The following SLC24A2 variants were observed in gnomAD, a reference collection of about 807,000 sequenced individuals.
The protein encoded by SLC24A2 is sodium/potassium/calcium exchanger 2.
SLC24A2 carries 36 observed loss-of-function variants against 62.0 expected under a neutral mutation model. That is an observed-to-expected ratio of 0.58 (90% CI 0.44 to 0.77). The LOEUF is 0.77. Ranked by LOEUF, SLC24A2 falls within the 30% of genes least tolerant of loss-of-function variation. The pLI, the probability that SLC24A2 is intolerant of heterozygous loss-of-function variation, is 0.00. For synonymous variants in SLC24A2, 358 were observed against 294.0 expected, an observed-to-expected ratio of 1.22 and a Z score of -2.23; for missense variants, 846 against 817.9, an observed-to-expected ratio of 1.03 and a Z score of -0.42.
the SLC24A2 span, among the ~76,000 whole-genome samples, chr9:20,235,317 C>T: frequency 6.6e-6 from 1 of 152,222 alleles, no homozygotes; most frequent in Non-Finnish European, 1.5e-5. Flanking sequence ...GTGCCCTGCC[C>T]CCAGAGGTGG....
chr9:19,835,696 T>A, the SLC24A2 span, among the ~76,000 whole-genome samples: 2 of 152,088 alleles, frequency 1.3e-5, no homozygotes, highest in Non-Finnish European at 2.9e-5. Context: ...GGATATCCAA[T>A]GATTCAACTC....
At chr9:20,051,651 C>G in the SLC24A2 span, among the ~76,000 whole-genome samples, 6 of 63,660 alleles carry the variant, frequency 9.4e-5, no homozygotes, top group Non-Finnish European at 1.8e-4. Flanking sequence ...GAGGTTTTTT[C>G]TTTCTCTTTT....
intron 5 of SLC24A2, among the ~76,000 whole-genome samples, chr9:19,593,622 C>G (rs1440257205): frequency 6.6e-6 from 1 of 152,144 alleles, no homozygotes; most frequent in Non-Finnish European, 1.5e-5. Context: ...GTTGTCCACA[C>G]CGTGATGCCC....
At position 19,514,389 on chromosome 9, in the gene SLC24A2, G is replaced by A. The variant is rs778374308; in HGVS notation, c.*1764C>T. The stretch of plus-strand genomic sequence containing the variant: ...ATATGCCATATGTACCAACTTAGAC[G>A]TAGGATGGGTACAGAATAATGAACC... On this transcript the variant is annotated 3_prime_UTR_variant, in exon 11 of 11. Transcript: ENST00000341998. The A allele has an allele frequency of 6.6e-6, 1 of 152,140 alleles. No individual in the cohort carries two copies. The highest frequency in any genetic ancestry group is 1.5e-5 in the Non-Finnish European group (1 of 68,034). The allele number at this position is 152,140 out of a possible 1,614,324, so 9.4% of individuals were successfully genotyped here.
intron 5 of SLC24A2, among the ~76,000 whole-genome samples, chr9:19,579,269 G>A (rs1054995300): frequency 1.3e-5 from 2 of 152,216 alleles, no homozygotes; most frequent in South Asian, 4.1e-4. Flanking sequence ...GAGGCAGGCA[G>A]GGTCTATGAT....
the SLC24A2 span, among the ~76,000 whole-genome samples, chr9:20,298,875 C>A: frequency 2.6e-5 from 4 of 152,220 alleles, no homozygotes; most frequent in Non-Finnish European, 5.9e-5. Flanking sequence ...CTTACTAGAG[C>A]CCACTCAGCT....
At chr9:19,820,644 A>G in the SLC24A2 span, among the ~76,000 whole-genome samples, 1 of 151,950 alleles carries the variant, frequency 6.6e-6, no homozygotes, top group African/African-American at 2.4e-5. Flanking sequence ...CATCTGACAC[A>G]AGGTAATGGA....
the SLC24A2 span, among the ~76,000 whole-genome samples, chr9:20,305,874 G>A: frequency 6.6e-6 from 1 of 152,178 alleles, no homozygotes; most frequent in Non-Finnish European, 1.5e-5. Context: ...CTGGGGTCAA[G>A]TTGTGGGCAG....
At chr9:20,086,175 C>T in the SLC24A2 span, among the ~76,000 whole-genome samples, 1 of 152,162 alleles carries the variant, frequency 6.6e-6, no homozygotes, top group African/African-American at 2.4e-5. Flanking sequence ...CTTTGAACAT[C>T]TCCTCTCCAG....
At chr9:19,545,421 T>C (rs76132420) in intron 8 of SLC24A2, among the ~76,000 whole-genome samples, 1 of 152,088 alleles carries the variant, frequency 6.6e-6, no homozygotes, top group African/African-American at 2.4e-5. Context: ...TTCTGAAGCT[T>C]ACTTCTGTCG....
chr9:19,828,107 T>C, the SLC24A2 span, among the ~76,000 whole-genome samples: 4 of 152,138 alleles, frequency 2.6e-5, no homozygotes, highest in South Asian at 2.1e-4. Context: ...CCATTACAAG[T>C]AGAAGTGCAG....
the SLC24A2 span, among the ~76,000 whole-genome samples, chr9:20,261,875 G>A: frequency 6.6e-6 from 1 of 151,088 alleles, no homozygotes; most frequent in Non-Finnish European, 1.5e-5. Flanking sequence ...GAGTAGCCGG[G>A]ACTACAGGCG....
At chr9:20,199,722 CTT>C in the SLC24A2 span, among the ~76,000 whole-genome samples, 54 of 145,580 alleles carry the variant, frequency 3.7e-4, no homozygotes, top group Middle Eastern at 3.6e-3. Context: ...TTTTTTCTTT[CTT>C]TTTTTTTTTT....
At chr9:19,527,923 G>A (rs1012623557) in intron 9 of SLC24A2, 126 bp downstream of exon 9, 4 of 713,476 alleles carry the variant, frequency 5.6e-6, no homozygotes, top group African/African-American at 3.5e-5. Flanking sequence ...GTCCTGGAAT[G>A]CTAACTCGTC....
At chr9:19,808,593 C>T in the SLC24A2 span, among the ~76,000 whole-genome samples, 1 of 152,160 alleles carries the variant, frequency 6.6e-6, no homozygotes, top group African/African-American at 2.4e-5. The surrounding 1 kb of genome is among the most constrained non-coding windows in gnomAD (Gnocchi z 4.1). Context: ...CAGACACATC[C>T]AGGGCAGCTA....
At chr9:19,562,210 C>A (rs988569535) in intron 7 of SLC24A2, among the ~76,000 whole-genome samples, 4 of 152,008 alleles carry the variant, frequency 2.6e-5, no homozygotes, top group Non-Finnish European at 5.9e-5. Context: ...AAGTGATTTG[C>A]TAACATAAAA....
intron 2 of SLC24A2, among the ~76,000 whole-genome samples, chr9:19,677,383 G>C (rs1388244774): frequency 1.3e-5 from 2 of 152,128 alleles, no homozygotes; most frequent in African/African-American, 2.4e-5. Context: ...TAAATGATGA[G>C]AACACATGGA....
the SLC24A2 span, among the ~76,000 whole-genome samples, chr9:20,030,352 T>C: frequency 6.6e-6 from 1 of 152,242 alleles, no homozygotes; most frequent in African/African-American, 2.4e-5. Context: ...AAGGGTATAC[T>C]GAAGGGGAAG....
chr9:19,666,050 T>C (rs1344906950), intron 2 of SLC24A2, among the ~76,000 whole-genome samples: 1 of 152,210 alleles, frequency 6.6e-6, no homozygotes, highest in African/African-American at 2.4e-5. Context: ...TTAGCTTTTA[T>C]AAAATATTTT....
Sources: gnomAD v4.1 joint callset for allele counts (sites outside exome capture counted in the v4.1 genomes callset) on GRCh38, gnomAD v4.1.1 for gene constraint, Gnocchi (gnomAD v3.1) non-coding constraint, MANE v1.5 for transcripts, NCBI Gene and HGNC (gene_info 2026-07-23, HGNC 2026-07-21) for gene names.